WDR27: variants seen among roughly 807,000 people sequenced by gnomAD.
WDR27 encodes WD repeat-containing protein 27.
In WDR27, 100 loss-of-function variants were observed where a neutral mutation model predicts 114.4. That is an observed-to-expected ratio of 0.87 (90% CI 0.74 to 1.03). The LOEUF is 1.03. Ranked by LOEUF, WDR27 falls within the 50% of genes least tolerant of loss-of-function variation. The probability of loss-of-function intolerance (pLI) is 0.00; values close to 1 mark genes in which losing one functional copy is unlikely to be tolerated. For missense variants in WDR27, 1,129 were observed against 1,092.9 expected, an observed-to-expected ratio of 1.03 and a Z score of -0.47; for synonymous variants, 449 against 423.1, an observed-to-expected ratio of 1.06 and a Z score of -0.75.
At chr6:169,500,589 C>T (rs1488224768) in intron 25 of WDR27, among the ~76,000 whole-genome samples, 2 of 152,108 alleles carry the variant, frequency 1.3e-5, no homozygotes, top group African/African-American at 4.8e-5. Context: ...GCAGGTAGTG[C>T]GCGTGAGTGC....
chr6:169,642,302 TC>T (rs59470895), intron 17 of WDR27, among the ~76,000 whole-genome samples: 1 of 150,816 alleles, frequency 6.6e-6, no homozygotes, highest in South Asian at 2.1e-4. Context: ...ATGTGGCCCT[TC>T]CCCCCCGCCC....
At chr6:169,700,737 A>C (rs1787719589) in intron 1 of WDR27, among the ~76,000 whole-genome samples, 1 of 152,234 alleles carries the variant, frequency 6.6e-6, no homozygotes, top group South Asian at 2.1e-4. Context: ...ACCTACCTCC[A>C]CTAATATAAA....
chr6:169,687,022 G>A (rs1783160857), intron 2 of WDR27, among the ~76,000 whole-genome samples: 1 of 151,978 alleles, frequency 6.6e-6, no homozygotes, highest in African/African-American at 2.4e-5. Flanking sequence ...AGTGAGAGAA[G>A]GGATAAAAAA....
intron 25 of WDR27, among the ~76,000 whole-genome samples, chr6:169,496,603 A>G (rs926879244): frequency 1.3e-5 from 2 of 152,150 alleles, no homozygotes; most frequent in Non-Finnish European, 2.9e-5. Flanking sequence ...TAGCAGGATA[A>G]AAAATCAGCA....
rs773704528 is a variant in WDR27 at position 169,602,260 on chromosome 6, G to A, written c.2383C>T (p.Pro795Ser). 10 of 1,565,726 alleles carry A rather than the reference G, an allele frequency of 6.4e-6. No homozygotes were observed. In the East Asian group the frequency reaches 1.9e-4, roughly 30 times the overall value. ...CCACAAGCCGCGAATCGTCCACAAG[G>A]ACTGAAAGCGATTCCACATGGATAG... ...RGYPCGIAFS[P>S]CGRFAACGAE... Residue 795 changes from proline (P) to serine (S), a missense_variant, in exon 23 of 26, where the codon CCT (proline) becomes TCT (serine). Physicochemically the swap from Pro to Ser is moderately conservative, Grantham distance 74 (BLOSUM62 -1). Coordinates refer to ENST00000448612, the MANE Select transcript of WDR27 (RefSeq NM_182552.5).
chr6:169,661,119 C>T (rs574070519), intron 9 of WDR27, among the ~76,000 whole-genome samples: 2 of 152,242 alleles, frequency 1.3e-5, no homozygotes, highest in Non-Finnish European at 2.9e-5. Flanking sequence ...CCAGGCTGGC[C>T]ACATCTGTGC....
chr6:169,472,739 T>G (rs996796574), intron 25 of WDR27, among the ~76,000 whole-genome samples: 2 of 152,226 alleles, frequency 1.3e-5, no homozygotes, highest in African/African-American at 2.4e-5. Flanking sequence ...GTGAGCATTA[T>G]TATTCTGGAG....
chr6:169,664,455 G>A, intron 7 of WDR27, 169 bp from the exon 8 acceptor site: 3 of 1,480,228 alleles, frequency 2.0e-6, no homozygotes. Flanking sequence ...CCCCTCTGGA[G>A]GCCCTCCGTA....
intron 1 of WDR27, among the ~76,000 whole-genome samples, chr6:169,701,176 G>A (rs992719279): frequency 2.0e-5 from 3 of 152,100 alleles, no homozygotes; most frequent in African/African-American, 7.2e-5. Flanking sequence ...TCTACTACTC[G>A]AGGAGTACCA....
At chr6:169,444,673 T>G in the WDR27 span, among the ~76,000 whole-genome samples, 42 of 151,912 alleles carry the variant, frequency 2.8e-4, no homozygotes, top group African/African-American at 9.9e-4. Flanking sequence ...TTTTTTGTTT[T>G]TTTTTTTTTC....
chr6:169,601,425 C>T (rs1807955426), intron 23 of WDR27, among the ~76,000 whole-genome samples: 1 of 152,150 alleles, frequency 6.6e-6, no homozygotes, highest in African/African-American at 2.4e-5. Flanking sequence ...AGAAATGCAA[C>T]ATTTTCTAGA....
chr6:169,467,646 G>C (rs1410425258), intron 25 of WDR27, among the ~76,000 whole-genome samples: 1 of 152,188 alleles, frequency 6.6e-6, no homozygotes, highest in African/African-American at 2.4e-5. Context: ...AAGCAGCAAA[G>C]CCCTGGGACC....
intron 25 of WDR27, among the ~76,000 whole-genome samples, chr6:169,549,912 T>A (rs11970146): frequency 6.6e-6 from 1 of 152,108 alleles, no homozygotes; most frequent in African/African-American, 2.4e-5. Context: ...GCAGTGGAAC[T>A]ACAGTATGTA....
intron 19 of WDR27, 34 bp downstream of exon 19, chr6:169,636,337 T>C: frequency 1.2e-6 from 2 of 1,600,260 alleles, no homozygotes; most frequent in Non-Finnish European, 1.7e-6. Flanking sequence ...CTTCCTGTGA[T>C]CTAAAAATAA....
At chr6:169,658,583 T>C (rs1185892499) in intron 12 of WDR27, among the ~76,000 whole-genome samples, 1 of 152,206 alleles carries the variant, frequency 6.6e-6, no homozygotes, top group Non-Finnish European at 1.5e-5. Context: ...TATGAAATAG[T>C]GTTTCAATTA....
chr6:169,480,609 C>T (rs1336839528), intron 25 of WDR27, among the ~76,000 whole-genome samples: 2 of 151,822 alleles, frequency 1.3e-5, no homozygotes, highest in Non-Finnish European at 2.9e-5. Context: ...CACCAATCAG[C>T]ACTCTGTGTC....
chr6:169,584,152 A>C lies in WDR27; in HGVS notation c.2425-1218T>G, dbSNP rs999329428. ...TCTTGTTAAGATACAGATTTCACAC[A>C]GAAGTGAGATCCTGCAGTCTTTTTC... On this transcript the variant is annotated intron_variant, in intron 23 of 25. Coordinates refer to ENST00000448612, the MANE Select transcript of WDR27 (RefSeq NM_182552.5). 2.6e-5 allele frequency among the ~76,000 whole-genome samples: 4 copies of C among 152,276 alleles called. No individual in the cohort carries two copies. The South Asian group carries it at 8.3e-4, about 32-fold the overall frequency.
intron 22 of WDR27, among the ~76,000 whole-genome samples, chr6:169,612,762 T>C (rs1020289858): frequency 1.5e-4 from 23 of 151,396 alleles, no homozygotes; most frequent in Non-Finnish European, 2.1e-4. Context: ...TAAAAAGTAG[T>C]AAAGGAAATA....
At position 169,645,023 on chromosome 6, in the gene WDR27, TAA is replaced by T. The variant is rs776362942; in HGVS notation, c.1658-1239_1658-1238del. On this transcript the variant is annotated intron_variant, in intron 16 of 25. Coordinates refer to ENST00000448612, the MANE Select transcript of WDR27 (RefSeq NM_182552.5). ...GACTCCGTCTCAAAAAAAAAAAAAA[TAA>T]AAAAAAAAAATAAAAAAAAAAAAAA... 6.4e-4 allele frequency among the ~76,000 whole-genome samples: 30 copies of T among 46,942 alleles called. 7 individuals carry two copies. Among genetic ancestry groups the T allele is most frequent in the African/African-American group, 2.5e-3 (25 of 9,880 alleles). 30.8% of individuals were successfully genotyped at this position (46,942 alleles called of 152,430 possible).
Sources: allele counts gnomAD v4.1 joint callset (sites outside exome capture counted in the v4.1 genomes callset), GRCh38; gene constraint gnomAD v4.1.1; transcripts MANE v1.5; gene names NCBI Gene and HGNC (gene_info 2026-07-23, HGNC 2026-07-21).